NKAIN3: variants seen among roughly 807,000 people sequenced by gnomAD.
The protein encoded by NKAIN3 is sodium/potassium transporting ATPase interacting 3.
NKAIN3 carries 25 observed loss-of-function variants against 30.2 expected under a neutral mutation model. The observed-to-expected ratio is 0.83, with a 90% CI of 0.60 to 1.16. NKAIN3 has a LOEUF of 1.16. Among genes scored for constraint, NKAIN3 ranks in the 50% most tolerant of loss-of-function variants. NKAIN3 has a pLI of 0.00. For missense variants in NKAIN3, 225 were observed against 254.1 expected, an observed-to-expected ratio of 0.89 and a Z score of 0.78; for synonymous variants, 91 against 89.6, an observed-to-expected ratio of 1.02 and a Z score of -0.09.
intron 1 of NKAIN3, among the ~76,000 whole-genome samples, chr8:62,269,528 G>A (rs1350084870): frequency 6.6e-6 from 1 of 152,026 alleles, no homozygotes; most frequent in Non-Finnish European, 1.5e-5. Flanking sequence ...GTTCCTTTCT[G>A]TGGGTGCTAG....
chr8:62,488,407 T>C (rs1806967572), intron 1 of NKAIN3, among the ~76,000 whole-genome samples: 1 of 152,224 alleles, frequency 6.6e-6, no homozygotes, highest in East Asian at 1.9e-4. Context: ...TTATTACACT[T>C]GCCTCATCAT....
intron 3 of NKAIN3, among the ~76,000 whole-genome samples, chr8:62,700,520 T>A (rs1814298939): frequency 6.6e-6 from 1 of 152,230 alleles, no homozygotes; most frequent in South Asian, 2.1e-4. Flanking sequence ...CCCAGAAATA[T>A]AATCTCTTTT....
intron 5 of NKAIN3, among the ~76,000 whole-genome samples, chr8:62,935,672 C>G (rs1480851390): frequency 1.3e-5 from 2 of 152,086 alleles, no homozygotes; most frequent in Non-Finnish European, 2.9e-5. Context: ...ACGTTAGTCA[C>G]TCACTAGATT....
chr8:62,926,859 C>A (rs1173562773), intron 5 of NKAIN3, among the ~76,000 whole-genome samples: 1 of 152,174 alleles, frequency 6.6e-6, no homozygotes, highest in Non-Finnish European at 1.5e-5. Context: ...TGTCCCGTGG[C>A]TTTTGTGGCT....
At chr8:62,963,663 C>T (rs1823631823) in intron 6 of NKAIN3, among the ~76,000 whole-genome samples, 1 of 152,138 alleles carries the variant, frequency 6.6e-6, no homozygotes, top group African/African-American at 2.4e-5. Flanking sequence ...ATCCCTTTCT[C>T]TTTTAGTTTA....
At chr8:62,470,054 A>T (rs1015172835) in intron 1 of NKAIN3, among the ~76,000 whole-genome samples, 1 of 152,206 alleles carries the variant, frequency 6.6e-6, no homozygotes, top group Non-Finnish European at 1.5e-5. Context: ...ATTTATTAAC[A>T]TATTTCAAGC....
At chr8:62,676,552 G>T (rs1467947572) in intron 3 of NKAIN3, among the ~76,000 whole-genome samples, 1 of 152,190 alleles carries the variant, frequency 6.6e-6, no homozygotes, top group Non-Finnish European at 1.5e-5. Context: ...CTCCGCGACA[G>T]AGCAAGACTC....
intron 4 of NKAIN3, among the ~76,000 whole-genome samples, chr8:62,809,538 C>T (rs565991942): frequency 3.5e-4 from 53 of 152,254 alleles, no homozygotes; most frequent in African/African-American, 1.0e-3. Context: ...CTCAACAATT[C>T]CCAAAAGCAT....
Position 62,347,487 on chromosome 8 carries a change from T to C in NKAIN3, c.54+98360T>C, listed in dbSNP as rs567985825. ...TTGATAGAAGAGTTTCAAAGGCGTA[T>C]CTTGACTATACAATTACAAATTACC... On this transcript the variant is annotated intron_variant, in intron 1 of 6. Coordinates refer to ENST00000623646, the MANE Select transcript of NKAIN3 (RefSeq NM_001304533.3). Among the ~76,000 whole-genome samples the C allele has an allele frequency of 1.4e-3, 216 of 152,230 alleles. 2 individuals are homozygous for C. Among genetic ancestry groups the C allele is most frequent in the African/African-American group, 4.9e-3 (203 of 41,560 alleles).
intron 4 of NKAIN3, among the ~76,000 whole-genome samples, chr8:62,864,367 G>A (rs1181310067): frequency 2.6e-5 from 4 of 152,226 alleles, no homozygotes; most frequent in Middle Eastern, 3.4e-3. Flanking sequence ...TGCGAACATA[G>A]ACCCTACGTG....
intron 3 of NKAIN3, among the ~76,000 whole-genome samples, chr8:62,603,454 A>G (rs922097488): frequency 3.3e-5 from 5 of 152,192 alleles, no homozygotes; most frequent in African/African-American, 1.2e-4. Flanking sequence ...CAATTACTCA[A>G]TGCTACTCCC....
At chr8:62,645,353 C>G (rs1323989426) in intron 3 of NKAIN3, among the ~76,000 whole-genome samples, 1 of 152,064 alleles carries the variant, frequency 6.6e-6, no homozygotes, top group East Asian at 1.9e-4. Context: ...GAGAAAAATC[C>G]TACCAGATAC....
intron 1 of NKAIN3, among the ~76,000 whole-genome samples, chr8:62,465,878 C>A (rs897851555): frequency 6.6e-6 from 1 of 151,932 alleles, no homozygotes; most frequent in Non-Finnish European, 1.5e-5. Context: ...CAAAAATTAG[C>A]CAGGTGTGGT....
intron 1 of NKAIN3, among the ~76,000 whole-genome samples, chr8:62,266,413 TTAAA>T: frequency 6.6e-6 from 1 of 152,316 alleles, no homozygotes; most frequent in East Asian, 1.9e-4. Context: ...TGCCTTCTTA[TTAAA>T]TGATGTCAAA....
chr8:62,831,624 G>A (rs938384851), intron 4 of NKAIN3, among the ~76,000 whole-genome samples: 1 of 151,924 alleles, frequency 6.6e-6, no homozygotes, highest in Non-Finnish European at 1.5e-5. Flanking sequence ...GCAGAAGAAA[G>A]AATTTCAGAG....
At chr8:62,660,962 T>A (rs1812926114) in intron 3 of NKAIN3, among the ~76,000 whole-genome samples, 1 of 152,192 alleles carries the variant, frequency 6.6e-6, no homozygotes, top group Non-Finnish European at 1.5e-5. Context: ...CCCACCTTAT[T>A]CTTCTGTATA....
intron 1 of NKAIN3, among the ~76,000 whole-genome samples, chr8:62,511,879 C>T (rs1807821830): frequency 6.6e-6 from 1 of 152,156 alleles, no homozygotes; most frequent in South Asian, 2.1e-4. Context: ...TTCATGGAGC[C>T]TTGTCTCACT....
At chr8:62,893,862 G>A (rs1012816484) in intron 4 of NKAIN3, among the ~76,000 whole-genome samples, 39 of 152,212 alleles carry the variant, frequency 2.6e-4, no homozygotes, top group African/African-American at 8.4e-4. Context: ...GATTGAGTTT[G>A]TTGTAAAACA....
At chr8:62,732,656 C>A (rs1815511196) in intron 3 of NKAIN3, among the ~76,000 whole-genome samples, 2 of 152,088 alleles carry the variant, frequency 1.3e-5, no homozygotes, top group African/African-American at 4.8e-5. Flanking sequence ...AATTACTACA[C>A]ACAGTTCTGT....
Sources: allele counts gnomAD v4.1 joint callset (sites outside exome capture counted in the v4.1 genomes callset), GRCh38; gene constraint gnomAD v4.1.1; transcripts MANE v1.5; gene names NCBI Gene and HGNC (gene_info 2026-07-23, HGNC 2026-07-21).